The following ERBB4 variants were observed in gnomAD, a reference collection of about 807,000 sequenced individuals.
The protein encoded by ERBB4 is receptor tyrosine-protein kinase erbB-4.
Under a neutral mutation model 158.0 loss-of-function variants are expected in ERBB4, and 42 were observed. That is an observed-to-expected ratio of 0.27 (90% CI 0.21 to 0.34). The LOEUF is 0.34. ERBB4 is among the 10% of genes least tolerant of loss of function. The pLI is 1.00. For synonymous variants in ERBB4, 583 were observed against 558.7 expected (o/e 1.04, Z -0.61); for missense variants, 1,333 against 1,624.1 (o/e 0.82, Z 3.08).
At chr2:212,237,429 C>T (rs2083919696) in intron 1 of ERBB4, among the ~76,000 whole-genome samples, 1 of 152,146 alleles carries the variant, frequency 6.6e-6, no homozygotes, top group Non-Finnish European at 1.5e-5. Context: ...GCAAAGATTG[C>T]TGCCTGTTCT....
chr2:211,383,040 A>AGTT lies in ERBB4; in HGVS notation c.*572_*574dup, dbSNP rs2062600854. 6 of 232,594 alleles carry AGTT rather than the reference A, an allele frequency of 2.6e-5. No individual in the cohort carries two copies. In the East Asian group the frequency reaches 3.0e-4, roughly 12 times the overall value. The allele number at this position is 232,594 out of a possible 1,614,324, so 14.4% of individuals were successfully genotyped here. A position where few individuals can be genotyped will look rare whatever the true frequency, so the allele number is the denominator to read the frequency against. On this transcript the variant is annotated 3_prime_UTR_variant, in exon 28 of 28. Coordinates refer to ENST00000342788, the MANE Select transcript of ERBB4 (RefSeq NM_005235.3). The stretch of plus-strand genomic sequence containing the variant: ...GGAGATTTTTAAATTATGAAAGTTG[A>AGTT]GTTGGCCATTCTTACTTGCTAGGAC...
chr2:211,911,846 G>A (rs1354317617), intron 3 of ERBB4, among the ~76,000 whole-genome samples: 2 of 146,636 alleles, frequency 1.4e-5, no homozygotes, highest in Admixed American at 1.4e-4. Context: ...GAGTTCTGTT[G>A]CACAATGTGG....
At chr2:211,915,775 T>TC (rs1298557052) in intron 3 of ERBB4, among the ~76,000 whole-genome samples, 1 of 151,706 alleles carries the variant, frequency 6.6e-6, no homozygotes, top group African/African-American at 2.4e-5. Flanking sequence ...GGAAAGCTTT[T>TC]CCCCTCCATA....
chr2:212,264,186 T>C (rs1261258158), intron 1 of ERBB4, among the ~76,000 whole-genome samples: 1 of 152,124 alleles, frequency 6.6e-6, no homozygotes, highest in African/African-American at 2.4e-5. Context: ...GTGAGAATAT[T>C]TGCATTCCTG....
intron 1 of ERBB4, among the ~76,000 whole-genome samples, chr2:212,395,781 A>G (rs2091008173): frequency 6.6e-6 from 1 of 151,942 alleles, no homozygotes; most frequent in Non-Finnish European, 1.5e-5. Context: ...CACCACATCC[A>G]GCTAATTTTT....
At chr2:212,096,406 A>T (rs2078935319) in intron 2 of ERBB4, among the ~76,000 whole-genome samples, 1 of 152,198 alleles carries the variant, frequency 6.6e-6, no homozygotes, top group South Asian at 2.1e-4. Flanking sequence ...ACTTGGTGAA[A>T]ATGTTAAATA....
chr2:212,220,510 G>C (rs1449416671), intron 1 of ERBB4, among the ~76,000 whole-genome samples: 2 of 151,404 alleles, frequency 1.3e-5, no homozygotes, highest in East Asian at 3.9e-4. Context: ...GGAATGAATA[G>C]GAATATAGCA....
intron 15 of ERBB4, among the ~76,000 whole-genome samples, chr2:211,660,116 A>T (rs1254636457): frequency 1.3e-5 from 2 of 152,192 alleles, no homozygotes. Context: ...GAGGGGAAAA[A>T]AGAAGTTAGA....
intron 3 of ERBB4, among the ~76,000 whole-genome samples, chr2:211,910,135 G>C (rs1317626383): frequency 1.3e-5 from 2 of 151,274 alleles, no homozygotes; most frequent in Non-Finnish European, 2.9e-5. Flanking sequence ...GCCCAGGTTG[G>C]TCTTGAACTG....
chr2:211,723,761 T>C (rs2074177671), intron 6 of ERBB4, among the ~76,000 whole-genome samples: 1 of 152,186 alleles, frequency 6.6e-6, no homozygotes, highest in African/African-American at 2.4e-5. Context: ...TGTACACAGA[T>C]TGCTCAGGAA....
intron 16 of ERBB4, among the ~76,000 whole-genome samples, chr2:211,657,019 T>C (rs1020190884): frequency 1.3e-5 from 2 of 152,226 alleles, no homozygotes; most frequent in African/African-American, 4.8e-5. Flanking sequence ...ATTGCCTTTA[T>C]GTTAATTCTT....
At chr2:211,830,184 C>G (rs898721408) in intron 3 of ERBB4, among the ~76,000 whole-genome samples, 3 of 152,162 alleles carry the variant, frequency 2.0e-5, no homozygotes, top group Admixed American at 2.0e-4. Flanking sequence ...TTGACTAGTC[C>G]TCTTTCCTCT....
intron 1 of ERBB4, among the ~76,000 whole-genome samples, chr2:212,267,637 T>C (rs1232264733): frequency 7.9e-5 from 12 of 151,006 alleles, no homozygotes; most frequent in Non-Finnish European, 1.6e-4. Flanking sequence ...TTAGGGTACA[T>C]GTGCACAATG....
intron 1 of ERBB4, among the ~76,000 whole-genome samples, chr2:212,158,046 G>T (rs2081094094): frequency 6.6e-6 from 1 of 152,004 alleles, no homozygotes; most frequent in African/African-American, 2.4e-5. Context: ...GATAATAAAA[G>T]TAATATTTGC....
chr2:211,767,119 C>T (rs537839005), intron 4 of ERBB4, among the ~76,000 whole-genome samples: 1 of 152,292 alleles, frequency 6.6e-6, no homozygotes, highest in South Asian at 2.1e-4. Context: ...TACTCCCACT[C>T]TGTGTAGAGT....
At chr2:211,923,576 C>T (rs1226426329) in intron 3 of ERBB4, among the ~76,000 whole-genome samples, 1 of 152,026 alleles carries the variant, frequency 6.6e-6, no homozygotes, top group African/African-American at 2.4e-5. Flanking sequence ...TGCTGCCTTG[C>T]TGAGTGCAGA....
chr2:211,555,116 C>T (rs890329411), intron 20 of ERBB4, among the ~76,000 whole-genome samples: 3 of 152,054 alleles, frequency 2.0e-5, no homozygotes, highest in African/African-American at 7.2e-5. Context: ...TCAGTCAAGT[C>T]CAAAGGCAGC....
intron 2 of ERBB4, among the ~76,000 whole-genome samples, chr2:212,000,095 T>G (rs2076070160): frequency 6.6e-6 from 1 of 151,808 alleles, no homozygotes; most frequent in Non-Finnish European, 1.5e-5. Flanking sequence ...AACCTCACTT[T>G]GTAAAATTAA....
rs181266108 is a variant in ERBB4 at position 212,497,767 on chromosome 2, T to C, written c.82+40682A>G. On this transcript the variant is annotated intron_variant, in intron 1 of 27. Coordinates refer to ENST00000342788, the MANE Select transcript of ERBB4 (RefSeq NM_005235.3). ...ATTCACATGTACACAATTCCAAGAA[T>C]ACCTAAGGGCACAATACAGCAGGCG... 1.0e-3 allele frequency among the ~76,000 whole-genome samples: 154 copies of C among 152,248 alleles called. 1 individual carries two copies. Among genetic ancestry groups the C allele is most frequent in the South Asian group, 8.9e-3 (43 of 4,826 alleles).
Sources: gnomAD v4.1 joint callset for allele counts (sites outside exome capture counted in the v4.1 genomes callset) on GRCh38, gnomAD v4.1.1 for gene constraint, MANE v1.5 for transcripts, NCBI Gene and HGNC (gene_info 2026-07-23, HGNC 2026-07-21) for gene names.